Variants in ITPR1 observed in about 807,000 individuals in gnomAD.
ITPR1 encodes inositol 1,4,5-trisphosphate receptor type 1, also known as inositol 1,4,5-trisphosphate-gated calcium channel ITPR1.
In ITPR1, 96 loss-of-function variants were observed where a neutral mutation model predicts 318.4. The observed-to-expected ratio is 0.30, with a 90% CI of 0.26 to 0.36. ITPR1 has a LOEUF of 0.36. ITPR1 is among the 10% of genes least tolerant of loss of function. ITPR1 has a pLI of 1.00. For missense variants in ITPR1, 2,440 were observed against 3,460.2 expected (o/e 0.71, Z 7.40); for synonymous variants, 1,312 against 1,289.9 (o/e 1.02, Z -0.37).
intron 53 of ITPR1, among the ~76,000 whole-genome samples, chr3:4,798,367 G>C (rs1229750477): frequency 6.6e-6 from 1 of 152,224 alleles, no homozygotes; most frequent in Non-Finnish European, 1.5e-5. Flanking sequence ...AGCATCACTA[G>C]TTATCAGGGA....
At chr3:4,570,950 C>G (rs1288622207) in intron 4 of ITPR1, among the ~76,000 whole-genome samples, 6 of 152,164 alleles carry the variant, frequency 3.9e-5, no homozygotes, top group African/African-American at 1.4e-4. Context: ...GTGAGCTTAC[C>G]CATGTGCCTG....
intron 4 of ITPR1, among the ~76,000 whole-genome samples, chr3:4,600,050 G>A (rs2091151116): frequency 6.6e-6 from 1 of 152,158 alleles, no homozygotes; most frequent in Non-Finnish European, 1.5e-5. Context: ...TCCTAGCATT[G>A]TATGTACAAA....
chr3:4,612,694 C>T (rs1056778185), intron 4 of ITPR1, among the ~76,000 whole-genome samples: 5 of 151,932 alleles, frequency 3.3e-5, no homozygotes, highest in Non-Finnish European at 7.4e-5. Flanking sequence ...TGAGACCAGC[C>T]TGGCCAACGT....
intron 16 of ITPR1, among the ~76,000 whole-genome samples, chr3:4,663,810 C>T (rs371364917): frequency 6.6e-6 from 1 of 152,198 alleles, no homozygotes; most frequent in South Asian, 2.1e-4. Flanking sequence ...TCCTATTTGT[C>T]TGTCCTTCCT....
chr3:4,813,371 G>A, intron 57 of ITPR1, 137 bp downstream of exon 57: 1 of 607,078 alleles, frequency 1.6e-6, no homozygotes, highest in Non-Finnish European at 2.9e-6. Flanking sequence ...CTGAGAAAGA[G>A]GAGGGAGATG....
intron 4 of ITPR1, among the ~76,000 whole-genome samples, chr3:4,601,731 C>A (rs11709872): frequency 0.5 from 75,416 of 152,116 alleles, 18,778 homozygotes; most frequent in Non-Finnish European, 0.52. Context: ...AAAACCTTTC[C>A]TGCTTCAAAG....
intron 4 of ITPR1, among the ~76,000 whole-genome samples, chr3:4,530,773 T>TCAACAA (rs113306224): frequency 1.2e-3 from 175 of 151,136 alleles, no homozygotes; most frequent in African/African-American, 3.6e-3. Flanking sequence ...AGAGCAAGAC[T>TCAACAA]CAACAACAAC....
At position 4,703,028 on chromosome 3, in the gene ITPR1, A is replaced by G; in HGVS notation, c.4657+78A>G. 1.2e-5 allele frequency: 18 copies of G among 1,452,162 alleles called. No homozygotes were observed. In the South Asian group the frequency reaches 2.3e-4, roughly 18 times the overall value. 90.0% of individuals were successfully genotyped at this position (1,452,162 alleles called of 1,614,324 possible). A position where few individuals can be genotyped will look rare whatever the true frequency, so the allele number is the denominator to read the frequency against. On this transcript the variant is annotated intron_variant, in intron 36 of 61. Coordinates refer to ENST00000649015, the MANE Select transcript of ITPR1 (RefSeq NM_001378452.1). ...GTAGTAAGGCTGCCATTTATTGAGCACTCATTACAACTCTTCTAAAGTTAC... is the reference window on the plus strand; with the variant it reads ...GTAGTAAGGCTGCCATTTATTGAGCGCTCATTACAACTCTTCTAAAGTTAC...
intron 60 of ITPR1, among the ~76,000 whole-genome samples, chr3:4,829,980 GT>G (rs1420434310): frequency 3.6e-5 from 1 of 27,856 alleles, no homozygotes. Flanking sequence ...TTTTTTTTTT[GT>G]GTGTGTGTGT....
rs555371105 is a variant in ITPR1, at chr3:4,719,238, C to T, written c.5136+1839C>T. ...AGCCACTCAGATTCTTTGAAAATTCCCTGAAGAAGCAACTGTGGATCCCCT... is the reference window on the plus strand; with the variant it reads ...AGCCACTCAGATTCTTTGAAAATTCTCTGAAGAAGCAACTGTGGATCCCCT... On this transcript the variant is annotated intron_variant, in intron 40 of 61. Coordinates refer to ENST00000649015, the MANE Select transcript of ITPR1 (RefSeq NM_001378452.1). Among the ~76,000 whole-genome samples, 300 of 152,288 alleles carry T rather than the reference C, an allele frequency of 2.0e-3. 4 individuals carry two copies. Among genetic ancestry groups the T allele is most frequent in the African/African-American group, 7.0e-3 (292 of 41,558 alleles).
At chr3:4,644,444 C>G (rs2093409065) in intron 8 of ITPR1, among the ~76,000 whole-genome samples, 1 of 152,224 alleles carries the variant, frequency 6.6e-6, no homozygotes, top group Non-Finnish European at 1.5e-5. Context: ...CTGATACTCA[C>G]TCTAGTGCTC....
At chr3:4,817,877 T>C (rs1435492858) in intron 59 of ITPR1, among the ~76,000 whole-genome samples, 1 of 152,224 alleles carries the variant, frequency 6.6e-6, no homozygotes, top group South Asian at 2.1e-4. Context: ...GAGGTGGGAT[T>C]CAAACCCAAG....
At chr3:4,560,601 T>C (rs76499153) in intron 4 of ITPR1, among the ~76,000 whole-genome samples, 23,073 of 152,214 alleles carry the variant, frequency 0.15, 2,231 homozygotes, top group Non-Finnish European at 0.22. Context: ...AAGCTTTCTC[T>C]GGAAGAAGAG....
At chr3:4,515,478 G>T (rs1018979504) in intron 2 of ITPR1, among the ~76,000 whole-genome samples, 1 of 152,174 alleles carries the variant, frequency 6.6e-6, no homozygotes, top group African/African-American at 2.4e-5. Flanking sequence ...CATCTCCACA[G>T]CAGATGCCTG....
intron 61 of ITPR1, among the ~76,000 whole-genome samples, chr3:4,840,187 T>A (rs959192235): frequency 6.6e-6 from 1 of 152,138 alleles, no homozygotes; most frequent in African/African-American, 2.4e-5. Flanking sequence ...TTCATTAAGT[T>A]TGGTTATAGC....
In ITPR1 at chr3:4,580,841, G is replaced by A. The variant is rs535858727; in HGVS notation, c.164-46922G>A. Among the ~76,000 whole-genome samples, 3 of 151,616 alleles carry A rather than the reference G, an allele frequency of 2.0e-5. No homozygotes were observed. In the South Asian group the frequency reaches 6.2e-4, roughly 31 times the overall value. ...AAGAGGGATACAGTGGGCACATAGG[G>A]TGAGTGGCGCCCTTGAGCAGATTCC... On this transcript the variant is annotated intron_variant, in intron 4 of 61. Coordinates refer to ENST00000649015, the MANE Select transcript of ITPR1 (RefSeq NM_001378452.1).
At chr3:4,733,878 C>A (rs188757121) in intron 43 of ITPR1, among the ~76,000 whole-genome samples, 5 of 152,164 alleles carry the variant, frequency 3.3e-5, no homozygotes, top group South Asian at 2.1e-4. Context: ...GTAAAAGATA[C>A]AAAAACATGG....
At chr3:4,770,714 T>C (rs2046131629) in intron 46 of ITPR1, among the ~76,000 whole-genome samples, 1 of 152,190 alleles carries the variant, frequency 6.6e-6, no homozygotes. Context: ...CTTTCCTCTT[T>C]GGGGCGTTAG....
chr3:4,606,960 G>T (rs1207057894), intron 4 of ITPR1, among the ~76,000 whole-genome samples: 1 of 152,184 alleles, frequency 6.6e-6, no homozygotes, highest in Non-Finnish European at 1.5e-5. Flanking sequence ...GTATTCATGG[G>T]GGAGATGTTT....
Sources: allele counts gnomAD v4.1 joint callset (sites outside exome capture counted in the v4.1 genomes callset), GRCh38; gene constraint gnomAD v4.1.1; transcripts MANE v1.5; gene names NCBI Gene and HGNC (gene_info 2026-07-23, HGNC 2026-07-21).